FMN1: variants seen among roughly 807,000 people sequenced by gnomAD.
FMN1 encodes formin-1.
FMN1 carries 110 observed loss-of-function variants against 132.4 expected under a neutral mutation model. That is an observed-to-expected ratio of 0.83 (90% CI 0.71 to 0.97). The LOEUF (loss-of-function observed/expected upper bound fraction) is 0.97, where lower values mean the gene tolerates loss of function less well. Among genes scored for constraint, FMN1 ranks in the 50% least tolerant of loss-of-function variants. The pLI, the probability that FMN1 is intolerant of heterozygous loss-of-function variation, is 0.00. For missense variants in FMN1, 1,792 were observed against 1,705.3 expected, an observed-to-expected ratio of 1.05 and a Z score of -0.90; for synonymous variants, 722 against 651.7, an observed-to-expected ratio of 1.11 and a Z score of -1.64.
At chr15:32,808,181 TCA>T (rs1414190133) in intron 17 of FMN1, among the ~76,000 whole-genome samples, 2 of 152,226 alleles carry the variant, frequency 1.3e-5, no homozygotes, top group African/African-American at 4.8e-5. Flanking sequence ...ATTCTGAAGT[TCA>T]TAGTTCCACA....
Position 32,814,633 on chromosome 15 carries a change from G to A in FMN1, c.3929-10301C>T, listed in dbSNP as rs910695351. On this transcript the variant is annotated intron_variant, in intron 17 of 20. Coordinates refer to ENST00000616417, the MANE Select transcript of FMN1 (RefSeq NM_001277313.2). ...AAGCAATGGGGTTTACAATCACAAG[G>A]CTCTGGATAACCATTTGGTGATAAA... 2.6e-5 allele frequency among the ~76,000 whole-genome samples: 4 copies of A among 152,146 alleles called. No homozygotes were observed. The East Asian group carries it at 7.7e-4, about 29-fold the overall frequency.
At chr15:32,831,810 C>T (rs1488684084) in intron 17 of FMN1, among the ~76,000 whole-genome samples, 7 of 151,046 alleles carry the variant, frequency 4.6e-5, no homozygotes, top group African/African-American at 1.2e-4. Flanking sequence ...TGCCTGTTCC[C>T]GGTGTCAGTA....
At position 32,822,340 on chromosome 15, in the gene FMN1, A is replaced by G. The variant is rs761131317; in HGVS notation, c.3929-18008T>C. Among the ~76,000 whole-genome samples, 4 of 151,898 alleles carry G rather than the reference A, an allele frequency of 2.6e-5. No individual in the cohort carries two copies. The South Asian group carries it at 8.3e-4, about 32-fold the overall frequency. On this transcript the variant is annotated intron_variant, in intron 17 of 20. Transcript: ENST00000616417. ...CTCCAGGCCTGGGTGACAGAGTGAG[A>G]GTCTGTCACAAACAAACAAACAAAC...
intron 7 of FMN1, among the ~76,000 whole-genome samples, chr15:32,980,202 A>AAGTTG (rs1220320897): frequency 2.6e-5 from 4 of 152,020 alleles, no homozygotes. Context: ...TACAAGACAT[A>AAGTTG]AGATGCCAGA....
At position 32,780,444 on chromosome 15, in the gene FMN1, C is replaced by T. The variant is rs576068031; in HGVS notation, c.4131-3525G>A. Among the ~76,000 whole-genome samples the T allele has an allele frequency of 1.1e-4, 16 of 152,316 alleles. No homozygotes were observed. The South Asian group carries it at 1.7e-3, about 16-fold the overall frequency. ...TCATGGCAATAGTCAGGAAGTTACCCTGTATGGTCTTAAAAAAGGGAGGCA... is the reference window on the plus strand; with the variant it reads ...TCATGGCAATAGTCAGGAAGTTACCTTGTATGGTCTTAAAAAAGGGAGGCA... On this transcript the variant is annotated intron_variant, in intron 19 of 20. Coordinates refer to ENST00000616417, the MANE Select transcript of FMN1 (RefSeq NM_001277313.2).
intron 3 of FMN1, among the ~76,000 whole-genome samples, chr15:33,161,722 C>G (rs748503240): frequency 6.6e-6 from 1 of 151,996 alleles, no homozygotes; most frequent in African/African-American, 2.4e-5. Flanking sequence ...ATCGAGACCA[C>G]CCTGGCCAAC....
At position 33,064,953 on chromosome 15, in the gene FMN1, T is replaced by C. The variant is rs773468293; in HGVS notation, c.2161+4A>G. 1.2e-6 allele frequency: 2 copies of C among 1,600,422 alleles called. No homozygotes were observed. The highest frequency in any genetic ancestry group is 1.7e-6 in the Non-Finnish European group (2 of 1,171,488). ...CCCGGGTCCCTAGCTTCCTTTCACATTACCTGCTTCAGTGTACTTCAGTCC... is the reference window on the plus strand; with the variant it reads ...CCCGGGTCCCTAGCTTCCTTTCACACTACCTGCTTCAGTGTACTTCAGTCC... On this transcript the variant is annotated splice_donor_region_variant and intron_variant, in intron 6 of 20. Transcript: ENST00000616417.
At chr15:32,869,428 G>GT (rs1276513547) in intron 16 of FMN1, among the ~76,000 whole-genome samples, 2 of 152,160 alleles carry the variant, frequency 1.3e-5, no homozygotes, top group Non-Finnish European at 2.9e-5. Context: ...TTTAATCAGA[G>GT]TAAGGGAGGG....
intron 4 of FMN1, among the ~76,000 whole-genome samples, chr15:33,116,729 C>A (rs2039941106): frequency 6.6e-6 from 1 of 150,608 alleles, no homozygotes; most frequent in Non-Finnish European, 1.5e-5. Flanking sequence ...TTATAAGATG[C>A]GAAAACAAAT....
Position 33,093,477 on chromosome 15 carries a change from T to C in FMN1, c.1868-4503A>G, listed in dbSNP as rs150402845. On this transcript the variant is annotated intron_variant, in intron 4 of 20. Coordinates refer to ENST00000616417, the MANE Select transcript of FMN1 (RefSeq NM_001277313.2). ...GTGTGTGTAATCACTCATGTCTGTA[T>C]CTAAGAAGACAGAGCTGTGGCAAAA... 6.6e-5 allele frequency among the ~76,000 whole-genome samples: 10 copies of C among 152,316 alleles called. No individual in the cohort carries two copies. The East Asian group carries it at 1.7e-3, about 26-fold the overall frequency.
rs764443807 is a variant in FMN1 at position 33,154,186 on chromosome 15, C to T, written c.729G>A (p.Thr243=). Residue 243 remains threonine (T), a synonymous_variant, in exon 4 of 21, where the codon ACG becomes ACA. Transcript: ENST00000616417. The part of the protein sequence containing the change: ...RESCPPDIPK[T]PDTDLGFGSF... Reference sequence around the variant, plus strand: ...TCCCAAAGCCAAGGTCTGTGTCTGGCGTCTTGGGAATATCTGGGGGGCAGC... The same window carrying T: ...TCCCAAAGCCAAGGTCTGTGTCTGGTGTCTTGGGAATATCTGGGGGGCAGC... The T allele has an allele frequency of 3.0e-5, 46 of 1,536,232 alleles. 1 individual carries two copies. Among genetic ancestry groups the T allele is most frequent in the Middle Eastern group, 1.7e-4 (1 of 6,014 alleles).
chr15:33,110,552 G>A (rs1373295550), intron 4 of FMN1, among the ~76,000 whole-genome samples: 1 of 151,958 alleles, frequency 6.6e-6, no homozygotes, highest in Admixed American at 6.6e-5. Context: ...TATTAACCAA[G>A]GAGAGCATTT....
rs926527155 is a variant in FMN1, at chr15:32,770,785, T to C, written c.*3525A>G. The C allele has an allele frequency of 2.6e-5, 4 of 152,134 alleles. No individual in the cohort carries two copies. Among genetic ancestry groups the C allele is most frequent in the Non-Finnish European group, 1.5e-5 (1 of 68,038 alleles). The allele number at this position is 152,134 out of a possible 1,614,324, so 9.4% of individuals were successfully genotyped here. A position where few individuals can be genotyped will look rare whatever the true frequency, so the allele number is the denominator to read the frequency against. On this transcript the variant is annotated 3_prime_UTR_variant, in exon 21 of 21. Transcript: ENST00000616417. The stretch of plus-strand genomic sequence containing the variant: ...TTGTTTTGGCTAGAACATTTAAAAG[T>C]GTAATAGCTCCACTGGGTTTCCTTA...
At chr15:33,037,536 G>A (rs1248114829) in intron 6 of FMN1, among the ~76,000 whole-genome samples, 3 of 152,156 alleles carry the variant, frequency 2.0e-5, no homozygotes, top group Non-Finnish European at 4.4e-5. Flanking sequence ...TGTAACCTTA[G>A]GCTCTGGTTA....
chr15:33,153,811 G>A lies in FMN1; in HGVS notation c.1104C>T (p.Ala368=), dbSNP rs1322997884. The change falls in exon 4 of 21, where the codon GCC becomes GCT. Residue 368 remains alanine, a synonymous_variant. Coordinates refer to ENST00000616417, the MANE Select transcript of FMN1 (RefSeq NM_001277313.2). ...PAAHAEFVPK[A]DLLTLPGAEA... Reference sequence around the variant, plus strand: ...CAGCTCCCGGGAGGGTGAGCAAGTCGGCTTTGGGTACAAACTCAGCGTGGG... The same window carrying A: ...CAGCTCCCGGGAGGGTGAGCAAGTCAGCTTTGGGTACAAACTCAGCGTGGG... 5.2e-6 allele frequency: 8 copies of A among 1,536,262 alleles called. No individual in the cohort carries two copies. The highest frequency in any genetic ancestry group is 4.1e-5 in the African/African-American group (3 of 73,032).
intron 3 of FMN1, among the ~76,000 whole-genome samples, chr15:33,166,891 TGGA>T (rs1417321480): frequency 1.3e-5 from 2 of 152,192 alleles, no homozygotes; most frequent in Non-Finnish European, 2.9e-5. Flanking sequence ...GGCCATGAGT[TGGA>T]GGCATGTATC....
At chr15:32,976,279 G>A (rs1196757415) in intron 7 of FMN1, among the ~76,000 whole-genome samples, 3 of 152,122 alleles carry the variant, frequency 2.0e-5, no homozygotes, top group Admixed American at 1.3e-4. Flanking sequence ...AGTGCAGCGT[G>A]AGCAGAAGAA....
chr15:33,171,948 G>A (rs1413843166), intron 3 of FMN1, among the ~76,000 whole-genome samples: 1 of 152,162 alleles, frequency 6.6e-6, no homozygotes, highest in Non-Finnish European at 1.5e-5. Flanking sequence ...GGTGGCTCAC[G>A]CCTGTAATCC....
In FMN1 at chr15:32,902,031, ATGTAAAAATC is replaced by A; in HGVS notation, c.3378-1_3386del. 6.2e-7 allele frequency: 1 copy of A among 1,606,328 alleles called. No individual in the cohort carries two copies. The highest frequency in any genetic ancestry group is 8.5e-7 in the Non-Finnish European group (1 of 1,176,690). On this transcript the variant is annotated splice_acceptor_variant and coding_sequence_variant, in exon 13 of 21. Transcript: ENST00000616417. LOFTEE classifies it high-confidence loss of function. Reference sequence around the variant, plus strand: ...CAAAATTAGGAATCTGGGCTAACTCATGTAAAAATCTGTAAAAAAGAAAATGTGTCATCTA... The same window carrying A: ...CAAAATTAGGAATCTGGGCTAACTCATGTAAAAAAGAAAATGTGTCATCTA...
Sources: gnomAD v4.1 joint callset for allele counts (sites outside exome capture counted in the v4.1 genomes callset) on GRCh38, gnomAD v4.1.1 for gene constraint, MANE v1.5 for transcripts, NCBI Gene and HGNC (gene_info 2026-07-23, HGNC 2026-07-21) for gene names.